Variants in NRG1 observed in about 807,000 individuals in gnomAD.
The protein encoded by NRG1 is neuregulin 1.
Under a neutral mutation model 63.8 loss-of-function variants are expected in NRG1, and 18 were observed. That is an observed-to-expected ratio of 0.28 (90% CI 0.19 to 0.42). NRG1 has a LOEUF of 0.42. Ranked by LOEUF, NRG1 falls within the 10% of genes least tolerant of loss-of-function variation. The pLI, the probability that NRG1 is intolerant of heterozygous loss-of-function variation, is 1.00. For missense variants in NRG1, 762 were observed against 814.7 expected, an observed-to-expected ratio of 0.94 and a Z score of 0.79; for synonymous variants, 302 against 301.3, an observed-to-expected ratio of 1.00 and a Z score of -0.02.
intron 1 of NRG1, among the ~76,000 whole-genome samples, chr8:32,459,594 A>G (rs1822056617): frequency 6.6e-6 from 1 of 150,482 alleles, no homozygotes; most frequent in African/African-American, 2.4e-5. Context: ...GTGAGACCCC[A>G]TTTCTAATTA....
intron 1 of NRG1, among the ~76,000 whole-genome samples, chr8:32,035,886 A>T (rs1818972030): frequency 6.6e-6 from 1 of 152,110 alleles, no homozygotes; most frequent in African/African-American, 2.4e-5. Flanking sequence ...TTGACTCTTT[A>T]TCCAGCTTTC....
chr8:32,217,407 C>T (rs1319390418), intron 1 of NRG1, among the ~76,000 whole-genome samples: 1 of 151,972 alleles, frequency 6.6e-6, no homozygotes, highest in African/African-American at 2.4e-5. Flanking sequence ...CCCTGCTCTG[C>T]TAGTCAGTCA....
intron 1 of NRG1, among the ~76,000 whole-genome samples, chr8:32,164,543 C>T (rs895510893): frequency 6.6e-6 from 1 of 152,102 alleles, no homozygotes; most frequent in Non-Finnish European, 1.5e-5. Context: ...TGATATATTG[C>T]CTTCTCTTTA....
chr8:32,766,576 A>G (rs761011869), exon 12 of NRG1: 2 of 152,250 alleles, frequency 1.3e-5, no homozygotes, highest in Non-Finnish European at 2.9e-5. Context: ...TTCTTTGGGC[A>G]TTGGGGTACT....
At chr8:31,914,584 T>C (rs1585713884) in intron 1 of NRG1, among the ~76,000 whole-genome samples, 1 of 152,112 alleles carries the variant, frequency 6.6e-6, no homozygotes, top group Admixed American at 6.6e-5. Context: ...GTATGGCACA[T>C]GTGAAGTGGT....
intron 1 of NRG1, among the ~76,000 whole-genome samples, chr8:31,852,922 G>A (rs1222354213): frequency 2.0e-5 from 3 of 152,000 alleles, no homozygotes; most frequent in Non-Finnish European, 4.4e-5. Flanking sequence ...GATAGTTGTA[G>A]ATATGTGGCG....
At chr8:32,379,081 T>C (rs369588876) in intron 1 of NRG1, among the ~76,000 whole-genome samples, 1 of 43,302 alleles carries the variant, frequency 2.3e-5, no homozygotes, top group South Asian at 7.6e-4. Context: ...AATAAACATA[T>C]CTTTTTTTAA....
At chr8:32,368,130 C>G (rs2129482518) in intron 1 of NRG1, among the ~76,000 whole-genome samples, 1 of 152,154 alleles carries the variant, frequency 6.6e-6, no homozygotes, top group African/African-American at 2.4e-5. Flanking sequence ...GTTTTTTGCT[C>G]AGTATTACTA....
intron 1 of NRG1, among the ~76,000 whole-genome samples, chr8:32,079,148 TACACAC>T (rs143380574): frequency 1.0e-4 from 15 of 145,850 alleles, no homozygotes; most frequent in Middle Eastern, 3.5e-3. Context: ...TAGAATGAAA[TACACAC>T]ACACACACAC....
chr8:32,322,862 G>T (rs1308469820), intron 1 of NRG1, among the ~76,000 whole-genome samples: 2 of 146,964 alleles, frequency 1.4e-5, no homozygotes, highest in Non-Finnish European at 1.5e-5. Flanking sequence ...AATTCTCTGG[G>T]TTTTTTTTTT....
chr8:32,389,759 C>CTTTTT (rs201406660), intron 1 of NRG1, among the ~76,000 whole-genome samples: 2 of 145,728 alleles, frequency 1.4e-5, no homozygotes, highest in East Asian at 2.1e-4. Flanking sequence ...GTCTTTCTTT[C>CTTTTT]TTTTTTTTTT....
chr8:32,674,207 G>A (rs568643197), intron 5 of NRG1, among the ~76,000 whole-genome samples: 123 of 152,152 alleles, frequency 8.1e-4, no homozygotes, highest in African/African-American at 2.8e-3. Flanking sequence ...CATATAAGGG[G>A]TTACCAGAGC....
At chr8:31,660,206 G>T (rs1805844510) in intron 1 of NRG1, among the ~76,000 whole-genome samples, 1 of 152,162 alleles carries the variant, frequency 6.6e-6, no homozygotes, top group African/African-American at 2.4e-5. Flanking sequence ...TTGATTATTT[G>T]CTGCTTCTGG....
At chr8:31,796,014 C>G (rs10087212) in intron 1 of NRG1, among the ~76,000 whole-genome samples, 89,877 of 151,974 alleles carry the variant, frequency 0.59, 26,981 homozygotes, top group East Asian at 0.87. Context: ...GAGTGATTTT[C>G]TATGAAATGT....
At position 32,069,227 on chromosome 8, in the gene NRG1, C is replaced by T. The variant is rs114337288; in HGVS notation, c.37+429796C>T. ...TCTGAGTTTGACAAATAATCCCCTACAGCAAGACAAAGAGTAGTAGATGAA... is the reference window on the plus strand; with the variant it reads ...TCTGAGTTTGACAAATAATCCCCTATAGCAAGACAAAGAGTAGTAGATGAA... On this transcript the variant is annotated intron_variant, in intron 1 of 10. Transcript: ENST00000519301. 2.9e-3 allele frequency among the ~76,000 whole-genome samples: 446 copies of T among 152,226 alleles called. 6 individuals carry two copies. Among genetic ancestry groups the T allele is most frequent in the African/African-American group, 0.01 (431 of 41,540 alleles).
At chr8:31,708,779 G>GT (rs1233786236) in intron 1 of NRG1, among the ~76,000 whole-genome samples, 3 of 152,250 alleles carry the variant, frequency 2.0e-5, no homozygotes, top group African/African-American at 7.2e-5. Context: ...TTATTGTTGA[G>GT]TTTTTTGTTA....
chr8:32,125,093 G>A (rs564021645), intron 1 of NRG1, among the ~76,000 whole-genome samples: 2 of 151,976 alleles, frequency 1.3e-5, no homozygotes, highest in Admixed American at 6.6e-5. Context: ...TCCAACATGT[G>A]AGGACATAGC....
intron 1 of NRG1, among the ~76,000 whole-genome samples, chr8:32,289,454 A>C (rs1853938977): frequency 6.6e-6 from 1 of 152,112 alleles, no homozygotes; most frequent in South Asian, 2.1e-4. Context: ...AAAACTAGTC[A>C]GAGATTGCTT....
At chr8:31,691,594 CAAAAAAAAAAAAAA>C (rs71208138) in intron 1 of NRG1, among the ~76,000 whole-genome samples, 1 of 34,986 alleles carries the variant, frequency 2.9e-5, no homozygotes, top group African/African-American at 1.5e-4. Flanking sequence ...GACTCTGTCT[CAAAAAAAAAAAAAA>C]AAAAAAAAAA....
Sources: allele counts gnomAD v4.1 joint callset (sites outside exome capture counted in the v4.1 genomes callset), GRCh38; gene constraint gnomAD v4.1.1; transcripts MANE v1.5; gene names NCBI Gene and HGNC (gene_info 2026-07-23, HGNC 2026-07-21).